Variants in SGCZ observed in about 807,000 individuals in gnomAD.
SGCZ encodes the protein zeta-sarcoglycan.
A neutral mutation model predicts 41.3 loss-of-function variants in SGCZ; 40 were observed. The observed-to-expected ratio is 0.97, with a 90% confidence interval of 0.75 to 1.26. The LOEUF (loss-of-function observed/expected upper bound fraction) is 1.26, where lower values mean the gene tolerates loss of function less well. Ranked by LOEUF, SGCZ falls within the 50% of genes most tolerant of loss-of-function variation. The probability of loss-of-function intolerance (pLI) is 0.00; values close to 1 mark genes in which losing one functional copy is unlikely to be tolerated. For missense variants in SGCZ, 552 were observed against 369.8 expected (o/e 1.49, Z -4.04); for synonymous variants, 206 against 137.5 (o/e 1.50, Z -3.49).
At chr8:14,106,104 C>CATT (rs1334872293) in intron 6 of SGCZ, among the ~76,000 whole-genome samples, 7 of 152,182 alleles carry the variant, frequency 4.6e-5, no homozygotes, top group Non-Finnish European at 1.5e-5. Context: ...TTAATGTCCT[C>CATT]ATTTTTCAGC....
intron 7 of SGCZ, 127 bp from the exon 8 acceptor site, chr8:14,090,764 T>G (rs1801666202): frequency 1.2e-6 from 1 of 807,546 alleles, no homozygotes; most frequent in East Asian, 2.7e-5. Context: ...TTAGCTGCCA[T>G]GCTTTGTTGA....
chr8:14,416,111 G>C (rs1458211004), intron 2 of SGCZ, among the ~76,000 whole-genome samples: 5 of 152,032 alleles, frequency 3.3e-5, no homozygotes, highest in East Asian at 3.9e-4. Context: ...AAAATAAGCA[G>C]AGGTGCTGGC....
In SGCZ at chr8:14,906,787, T is replaced by C. The variant is rs77333374; in HGVS notation, c.39+330798A>G. 2.0e-3 allele frequency among the ~76,000 whole-genome samples: 304 copies of C among 152,308 alleles called. 1 individual carries two copies. The highest frequency in any genetic ancestry group is 7.0e-3 in the African/African-American group (289 of 41,570). ...AGATGCTTACAGTCCTGATTAGCTCTAGAAAAGAGCTAGAGCTAGAAAAAG... is the reference window on the plus strand; with the variant it reads ...AGATGCTTACAGTCCTGATTAGCTCCAGAAAAGAGCTAGAGCTAGAAAAAG... On this transcript the variant is annotated intron_variant, in intron 1 of 7. Coordinates refer to ENST00000382080, the MANE Select transcript of SGCZ (RefSeq NM_139167.4).
chr8:15,220,048 T>C (rs117491400), intron 1 of SGCZ, among the ~76,000 whole-genome samples: 4,160 of 152,272 alleles, frequency 0.027, 99 homozygotes, highest in Middle Eastern at 0.048. Flanking sequence ...ATCTATAATA[T>C]ACATATAACT....
chr8:15,085,273 C>A (rs929406682), intron 1 of SGCZ, among the ~76,000 whole-genome samples: 1 of 152,136 alleles, frequency 6.6e-6, no homozygotes, highest in African/African-American at 2.4e-5. Context: ...CCCATTCGAA[C>A]TTTCTATTAA....
chr8:14,693,123 A>G (rs1251062052), intron 1 of SGCZ, among the ~76,000 whole-genome samples: 1 of 152,196 alleles, frequency 6.6e-6, no homozygotes, highest in Non-Finnish European at 1.5e-5. Context: ...ATTAAGTAAG[A>G]TTAAGTAAAT....
At chr8:14,949,482 T>A (rs1329458797) in intron 1 of SGCZ, among the ~76,000 whole-genome samples, 1 of 152,122 alleles carries the variant, frequency 6.6e-6, no homozygotes, top group Admixed American at 6.6e-5. Flanking sequence ...CATGACTGAT[T>A]TGTCTAGAGC....
rs113438635 is a variant in SGCZ at position 14,500,010 on chromosome 8, T to C, written c.234+54722A>G. ...TTAAAAAATGAAGGGACATTTAAAA[T>C]CTTTTCCTTAACATTACAATTGCCT... On this transcript the variant is annotated intron_variant, in intron 2 of 7. Coordinates refer to ENST00000382080, the MANE Select transcript of SGCZ (RefSeq NM_139167.4). 2.0e-3 allele frequency among the ~76,000 whole-genome samples: 300 copies of C among 152,212 alleles called. 3 individuals carry two copies. Among genetic ancestry groups the C allele is most frequent in the African/African-American group, 6.7e-3 (280 of 41,566 alleles).
chr8:14,206,220 ATACTATCAT>A (rs1208170027), intron 4 of SGCZ, among the ~76,000 whole-genome samples: 1 of 152,168 alleles, frequency 6.6e-6, no homozygotes, highest in Non-Finnish European at 1.5e-5. Flanking sequence ...CCTTTGCCAT[ATACTATCAT>A]TACCTAGTCT....
intron 2 of SGCZ, among the ~76,000 whole-genome samples, chr8:14,441,405 T>A (rs1800260407): frequency 6.6e-6 from 1 of 152,032 alleles, no homozygotes; most frequent in South Asian, 2.1e-4. Flanking sequence ...TGAAACCCCG[T>A]CTCTACTGAA....
intron 4 of SGCZ, among the ~76,000 whole-genome samples, chr8:14,193,549 A>G (rs1454521575): frequency 6.6e-6 from 1 of 152,110 alleles, no homozygotes; most frequent in Non-Finnish European, 1.5e-5. Flanking sequence ...TTCATGTTCT[A>G]TTAAATGATT....
intron 1 of SGCZ, among the ~76,000 whole-genome samples, chr8:14,562,809 A>C (rs973441905): frequency 1.3e-5 from 2 of 152,130 alleles, no homozygotes; most frequent in African/African-American, 4.8e-5. Context: ...AGATAATAGA[A>C]AACTGAAAAC....
intron 1 of SGCZ, among the ~76,000 whole-genome samples, chr8:15,171,977 G>A (rs1351109083): frequency 6.6e-6 from 1 of 152,086 alleles, no homozygotes; most frequent in Non-Finnish European, 1.5e-5. Flanking sequence ...AGGAGCCCTT[G>A]ATCCCTTCAA....
At chr8:15,207,892 G>A (rs1031817080) in intron 1 of SGCZ, among the ~76,000 whole-genome samples, 2 of 152,134 alleles carry the variant, frequency 1.3e-5, no homozygotes, top group South Asian at 2.1e-4. Context: ...ATGTTGGGTA[G>A]TTTCTCAATT....
intron 2 of SGCZ, among the ~76,000 whole-genome samples, chr8:14,328,247 A>C (rs1416652672): frequency 6.6e-6 from 1 of 152,202 alleles, no homozygotes; most frequent in Non-Finnish European, 1.5e-5. Flanking sequence ...GAGCATTATA[A>C]ATTAAATTTA....
At chr8:14,248,483 G>A (rs1338487882) in intron 3 of SGCZ, among the ~76,000 whole-genome samples, 1 of 152,004 alleles carries the variant, frequency 6.6e-6, no homozygotes. Flanking sequence ...AGGGAACTAA[G>A]CCTCTATTAA....
intron 1 of SGCZ, among the ~76,000 whole-genome samples, chr8:15,164,373 T>C (rs995752783): frequency 1.2e-4 from 18 of 152,104 alleles, no homozygotes; most frequent in African/African-American, 4.3e-4. Context: ...CCCCACTCCA[T>C]GACAGAACAG....
At chr8:15,044,406 T>C (rs1804226213) in intron 1 of SGCZ, among the ~76,000 whole-genome samples, 1 of 152,202 alleles carries the variant, frequency 6.6e-6, no homozygotes, top group South Asian at 2.1e-4. Context: ...GCAGGCATCC[T>C]GTATGCAGTT....
At chr8:14,610,654 G>T (rs188932122) in intron 1 of SGCZ, among the ~76,000 whole-genome samples, 1 of 152,212 alleles carries the variant, frequency 6.6e-6, no homozygotes, top group African/African-American at 2.4e-5. Flanking sequence ...CCCCTACAGG[G>T]TGCATAGAAG....
Sources: gnomAD v4.1 joint callset for allele counts (sites outside exome capture counted in the v4.1 genomes callset) on GRCh38, gnomAD v4.1.1 for gene constraint, MANE v1.5 for transcripts, NCBI Gene and HGNC (gene_info 2026-07-23, HGNC 2026-07-21) for gene names.